The following FMN1 variants were observed in gnomAD, a reference collection of about 807,000 sequenced individuals.
The protein encoded by FMN1 is formin 1.
Under a neutral mutation model 132.4 loss-of-function variants are expected in FMN1, and 110 were observed. The observed-to-expected ratio is 0.83, with a 90% CI of 0.71 to 0.97. FMN1 has a LOEUF of 0.97. FMN1 is among the 50% of genes least tolerant of loss of function. The probability of loss-of-function intolerance (pLI) is 0.00; values close to 1 mark genes in which losing one functional copy is unlikely to be tolerated. For synonymous variants in FMN1, 722 were observed against 651.7 expected (o/e 1.11, Z -1.64); for missense variants, 1,792 against 1,705.3 (o/e 1.05, Z -0.90).
chr15:32,969,320 T>C lies in FMN1; in HGVS notation c.2381A>G (p.Asp794Gly), dbSNP rs752752794. The C allele has an allele frequency of 6.2e-7, 1 of 1,614,006 alleles. No individual in the cohort carries two copies. Among genetic ancestry groups the C allele is most frequent in the Non-Finnish European group, 8.5e-7 (1 of 1,179,882 alleles). The change falls in exon 8 of 21, where the codon GAC becomes GGC. Residue 794 changes from aspartate to glycine, a missense_variant. Around this residue, in one of 3 missense-constraint regions of FMN1, gnomAD observed 1,150 missense variants for 1,043.1 expected, o/e 1.10. Transcript: ENST00000616417. Reference sequence around the variant, plus strand: ...ATTTCTGAAGGTCTTTGGAGGGCAGTCATCATCGGTGGAAATGCACACATC... The same window carrying C: ...ATTTCTGAAGGTCTTTGGAGGGCAGCCATCATCGGTGGAAATGCACACATC... ...RKDVCISTDD[D>G]CPPKTFRNVC...
At chr15:32,986,139 C>T (rs1207796205) in intron 7 of FMN1, among the ~76,000 whole-genome samples, 2 of 152,044 alleles carry the variant, frequency 1.3e-5, no homozygotes, top group African/African-American at 4.8e-5. Flanking sequence ...TGTATACAGG[C>T]AATTAAGCTT....
chr15:33,072,968 T>C (rs143474137), intron 5 of FMN1, among the ~76,000 whole-genome samples: 14 of 151,204 alleles, frequency 9.3e-5, no homozygotes, highest in African/African-American at 2.7e-4. Flanking sequence ...AGTAAGTGTA[T>C]ACCTAGTGAG....
At chr15:32,993,912 T>TGGG (rs61553799) in intron 7 of FMN1, among the ~76,000 whole-genome samples, 2,819 of 86,898 alleles carry the variant, frequency 0.032, 57 homozygotes, top group East Asian at 0.17. Context: ...GGGGGCGGGG[T>TGGG]GGGGGGGGTC....
At chr15:32,893,761 GAA>G (rs1342410783) in intron 15 of FMN1, among the ~76,000 whole-genome samples, 1 of 152,242 alleles carries the variant, frequency 6.6e-6, no homozygotes, top group Admixed American at 6.5e-5. Flanking sequence ...TCCCATGTTT[GAA>G]ACTGTTCTCA....
intron 17 of FMN1, among the ~76,000 whole-genome samples, chr15:32,824,146 G>A (rs1181848849): frequency 6.6e-6 from 1 of 152,232 alleles, no homozygotes; most frequent in African/African-American, 2.4e-5. Context: ...AGGTGGGAAA[G>A]GAATTTTTAA....
At chr15:33,100,874 T>C (rs777837975) in intron 4 of FMN1, among the ~76,000 whole-genome samples, 2 of 152,150 alleles carry the variant, frequency 1.3e-5, no homozygotes, top group Non-Finnish European at 2.9e-5. Context: ...CTGTGGAATA[T>C]TATATAATTA....
chr15:33,117,553 G>A (rs934349834), intron 4 of FMN1, among the ~76,000 whole-genome samples: 1 of 152,176 alleles, frequency 6.6e-6, no homozygotes, highest in Non-Finnish European at 1.5e-5. Context: ...TAAGCTGAAT[G>A]TTTGCTCCTT....
intron 3 of FMN1, among the ~76,000 whole-genome samples, chr15:33,170,114 A>G (rs1043182322): frequency 5.9e-5 from 9 of 152,174 alleles, no homozygotes; most frequent in African/African-American, 1.4e-4. Context: ...ATAAATTCAT[A>G]TATTTACAAT....
intron 6 of FMN1, among the ~76,000 whole-genome samples, chr15:33,026,608 T>C (rs917852956): frequency 6.6e-5 from 10 of 152,234 alleles, no homozygotes; most frequent in Non-Finnish European, 1.3e-4. Flanking sequence ...TATATAAGCA[T>C]TGGTTGACTT....
rs116329259 is a variant in FMN1, at chr15:33,068,702, T to C, written c.2044-3628A>G. On this transcript the variant is annotated intron_variant, in intron 5 of 20. Transcript: ENST00000616417. ...TGCAGATTTTAGCTCCTAAAGCCCG[T>C]GAGGGATAACCCACACGACTGGTTT... 8.8e-3 allele frequency among the ~76,000 whole-genome samples: 1,332 copies of C among 151,902 alleles called. 24 individuals carry two copies. Among genetic ancestry groups the C allele is most frequent in the African/African-American group, 0.031 (1,272 of 41,368 alleles).
chr15:32,872,690 G>A (rs1377717747), intron 16 of FMN1, among the ~76,000 whole-genome samples: 1 of 152,194 alleles, frequency 6.6e-6, no homozygotes, highest in African/African-American at 2.4e-5. Context: ...TGCAACAGCT[G>A]GCTACAAAGA....
chr15:32,954,159 T>C (rs1475819403), intron 9 of FMN1, among the ~76,000 whole-genome samples: 1 of 152,178 alleles, frequency 6.6e-6, no homozygotes, highest in Non-Finnish European at 1.5e-5. Context: ...ATATTTCCAG[T>C]ACTTCAATAC....
chr15:32,818,239 G>C (rs932161142), intron 17 of FMN1, among the ~76,000 whole-genome samples: 2 of 151,622 alleles, frequency 1.3e-5, no homozygotes, highest in African/African-American at 4.8e-5. Context: ...TATAGGTATA[G>C]GTCAACTTCT....
At chr15:32,854,432 A>AGT (rs1178900466) in intron 17 of FMN1, among the ~76,000 whole-genome samples, 1 of 152,248 alleles carries the variant, frequency 6.6e-6, no homozygotes, top group Non-Finnish European at 1.5e-5. Flanking sequence ...TTCCTACAAT[A>AGT]GTATATATAT....
chr15:32,946,410 T>C (rs2061512847), intron 9 of FMN1, among the ~76,000 whole-genome samples: 1 of 152,168 alleles, frequency 6.6e-6, no homozygotes. Context: ...GTAACACACA[T>C]GGTAGATGAT....
chr15:33,130,232 T>A (rs1402093524), intron 4 of FMN1, among the ~76,000 whole-genome samples: 2 of 152,250 alleles, frequency 1.3e-5, no homozygotes, highest in Non-Finnish European at 2.9e-5. Flanking sequence ...TTTTCATTAT[T>A]TATTATAACT....
At chr15:32,999,086 T>C (rs1170574965) in intron 7 of FMN1, among the ~76,000 whole-genome samples, 1 of 152,206 alleles carries the variant, frequency 6.6e-6, no homozygotes, top group Non-Finnish European at 1.5e-5. Context: ...ATATTGTCTA[T>C]TTTTTCCTTT....
intron 7 of FMN1, among the ~76,000 whole-genome samples, chr15:32,995,448 T>C (rs568443511): frequency 1.3e-5 from 2 of 152,342 alleles, no homozygotes; most frequent in South Asian, 4.1e-4. Flanking sequence ...TTAGCCTTTA[T>C]GGTATAAATT....
At chr15:33,068,357 C>G (rs1450019459) in intron 5 of FMN1, among the ~76,000 whole-genome samples, 8 of 152,164 alleles carry the variant, frequency 5.3e-5, no homozygotes, top group Non-Finnish European at 1.2e-4. Context: ...AGCCGGCAAG[C>G]TGATACTGAG....
Sources: allele counts gnomAD v4.1 joint callset (sites outside exome capture counted in the v4.1 genomes callset), GRCh38; gene constraint gnomAD v4.1.1; regional missense constraint gnomAD v4.1.1; transcripts MANE v1.5; gene names NCBI Gene and HGNC (gene_info 2026-07-23, HGNC 2026-07-21).